DRC11L: variants seen among roughly 807,000 people sequenced by gnomAD.
DRC11L encodes dynein regulatory complex subunit 11 like, also known as dynein regulatory complex subunit like-11.
At chr7:151,193,119 A>G in the DRC11L span, 2 of 397,526 alleles carry the variant, frequency 5.0e-6, no homozygotes, top group Non-Finnish European at 8.8e-6. Flanking sequence ...TTCCCCCACC[A>G]CAGGGGCTGC....
chr7:151,203,951 G>T, the DRC11L span, among the ~76,000 whole-genome samples: 13 of 152,326 alleles, frequency 8.5e-5, no homozygotes, highest in African/African-American at 3.1e-4. Flanking sequence ...CCCTGAGCCG[G>T]ACTGGAGGCG....
At chr7:151,192,533 C>T in the DRC11L span, 1 of 398,524 alleles carries the variant, frequency 2.5e-6, no homozygotes, top group Non-Finnish European at 4.4e-6. Flanking sequence ...TCTCAGAGCC[C>T]ACCCCACCCT....
chr7:151,195,276 A>G, the DRC11L span, among the ~76,000 whole-genome samples: 1 of 152,188 alleles, frequency 6.6e-6, no homozygotes, highest in Non-Finnish European at 1.5e-5. Flanking sequence ...TTGGCAGGGC[A>G]GGTACTTGGT....
chr7:151,203,342 T>A, the DRC11L span: 5 of 398,976 alleles, frequency 1.3e-5, no homozygotes, highest in Admixed American at 8.8e-5. Context: ...CATTCTGGAG[T>A]CTTTCAGGAG....
At chr7:151,200,071 G>A in the DRC11L span, among the ~76,000 whole-genome samples, 1 of 152,192 alleles carries the variant, frequency 6.6e-6, no homozygotes, top group African/African-American at 2.4e-5. Context: ...TCCTCCCTCT[G>A]GGGTCCACCC....
the DRC11L span, chr7:151,200,533 G>A: frequency 5.0e-6 from 2 of 399,020 alleles, no homozygotes; most frequent in East Asian, 3.6e-5. Context: ...CTCTCAGAGA[G>A]GGTCCGAGAG....
chr7:151,204,390 C>G, the DRC11L span: 1 of 393,990 alleles, frequency 2.5e-6, no homozygotes, highest in Admixed American at 4.4e-5. Context: ...CCTACCCCAC[C>G]CGACCCCAAG....
At chr7:151,198,028 A>G in the DRC11L span, 2 of 303,570 alleles carry the variant, frequency 6.6e-6, no homozygotes, top group Non-Finnish European at 1.2e-5. Flanking sequence ...ATGGATAGAT[A>G]GATGGAGAGG....
At chr7:151,202,848 C>T in the DRC11L span, 1 of 399,242 alleles carries the variant, frequency 2.5e-6, no homozygotes, top group African/African-American at 2.1e-5. Context: ...AATTACTGAG[C>T]CCAGCAGGCT....
chr7:151,204,352 C>T, the DRC11L span, among the ~76,000 whole-genome samples: 1 of 152,168 alleles, frequency 6.6e-6, no homozygotes, highest in Non-Finnish European at 1.5e-5. Flanking sequence ...CGTGGGGTGG[C>T]GGGTAGGCAG....
At chr7:151,202,567 G>A in the DRC11L span, among the ~76,000 whole-genome samples, 436 of 152,276 alleles carry the variant, frequency 2.9e-3, 2 homozygotes, top group Non-Finnish European at 4.8e-3. Flanking sequence ...ATCTAGTTGT[G>A]GGGGCTGGGC....
At chr7:151,199,669 C>T in the DRC11L span, among the ~76,000 whole-genome samples, 197 of 152,274 alleles carry the variant, frequency 1.3e-3, 2 homozygotes, top group African/African-American at 4.6e-3. This position sits in a 1 kb window ranked among gnomAD's most constrained non-coding sequence, Gnocchi z 5.2. Flanking sequence ...CAAGATGTCA[C>T]CAGACCTGGG....
chr7:151,192,872 G>A, the DRC11L span: 1 of 398,964 alleles, frequency 2.5e-6, no homozygotes, highest in East Asian at 3.6e-5. Context: ...AGATGTCTCT[G>A]GAGAAGGGTC....
the DRC11L span, chr7:151,192,428 T>A: frequency 2.5e-6 from 1 of 399,318 alleles, no homozygotes; most frequent in Non-Finnish European, 4.4e-6. Flanking sequence ...CTTGGTGAGG[T>A]CCTTCTTTAT....
the DRC11L span, among the ~76,000 whole-genome samples, chr7:151,202,397 T>C: frequency 0.026 from 4,003 of 152,296 alleles, 167 homozygotes; most frequent in African/African-American, 0.09. Flanking sequence ...TTCTGTTCTA[T>C]GCTATTATGG....
chr7:151,204,611 G>A, the DRC11L span: 14 of 398,966 alleles, frequency 3.5e-5, no homozygotes, highest in Non-Finnish European at 6.2e-5. Flanking sequence ...GGCCCGCCAC[G>A]CCGTCCAGCA....
chr7:151,191,786 G>C, the DRC11L span: 1 of 399,238 alleles, frequency 2.5e-6, no homozygotes, highest in African/African-American at 2.1e-5. Context: ...GTGACCCGGC[G>C]TGTAGCCATC....
At chr7:151,195,686 G>T in the DRC11L span, 1 of 399,414 alleles carries the variant, frequency 2.5e-6, no homozygotes. Flanking sequence ...GGTGTGGCGG[G>T]GTGGCCTGGG....
chr7:151,200,922 C>A, the DRC11L span, among the ~76,000 whole-genome samples: 1 of 152,144 alleles, frequency 6.6e-6, no homozygotes, highest in Admixed American at 6.5e-5. Context: ...CTCTCCCAGG[C>A]CCAAGACCCC....
Sources: gnomAD v4.1 joint callset for allele counts (sites outside exome capture counted in the v4.1 genomes callset) on GRCh38, gnomAD v4.1.1 for gene constraint, Gnocchi (gnomAD v3.1) non-coding constraint, MANE v1.5 for transcripts, NCBI Gene and HGNC (gene_info 2026-07-23, HGNC 2026-07-21) for gene names.